NCOR2: variants seen among roughly 807,000 people sequenced by gnomAD.
The protein encoded by NCOR2 is nuclear receptor corepressor 2.
In NCOR2, 81 loss-of-function variants were observed where a neutral mutation model predicts 262.9. That is an observed-to-expected ratio of 0.31 (90% confidence interval 0.26 to 0.37). The LOEUF is 0.37. Among genes scored for constraint, NCOR2 ranks in the 10% least tolerant of loss-of-function variants. The pLI is 1.00. For synonymous variants in NCOR2, 1,659 were observed against 1,559.3 expected (o/e 1.06, Z -1.51); for missense variants, 3,385 against 3,621.4 (o/e 0.93, Z 1.68).
At chr12:124,535,960 T>C (rs1270105848), upstream of NCOR2, among the ~76,000 whole-genome samples, 2 of 151,946 alleles carry the variant, frequency 1.3e-5, no homozygotes, top group Non-Finnish European at 1.5e-5. Context: ...AACTGCCCCA[T>C]TAACTACCCA....
At chr12:124,433,883 C>CAAAA (rs1284524208) in intron 8 of NCOR2, among the ~76,000 whole-genome samples, 10 of 78,964 alleles carry the variant, frequency 1.3e-4, no homozygotes, top group Middle Eastern at 0.012. Context: ...CACACACACA[C>CAAAA]ACACACACAC....
chr12:124,428,900 A>G (rs1199263904), intron 10 of NCOR2, among the ~76,000 whole-genome samples: 1 of 152,168 alleles, frequency 6.6e-6, no homozygotes, highest in South Asian at 2.1e-4. Context: ...AGCAGGGGGT[A>G]GTCTCATCAT....
intron 13 of NCOR2, among the ~76,000 whole-genome samples, chr12:124,408,453 TAAAG>T (rs2042393790): frequency 6.6e-6 from 1 of 152,082 alleles, no homozygotes; most frequent in Non-Finnish European, 1.5e-5. Flanking sequence ...ACCTTACAAT[TAAAG>T]AAATTATGGC....
At chr12:124,505,792 G>A (rs983299818) in intron 1 of NCOR2, among the ~76,000 whole-genome samples, 5 of 152,154 alleles carry the variant, frequency 3.3e-5, no homozygotes, top group South Asian at 2.1e-4. Flanking sequence ...AGGTGATGGC[G>A]ATGATGTTAA....
At chr12:124,350,839 T>TGCACACGCGTGTCC (rs2037387881) in intron 27 of NCOR2, 102 bp from the exon 30 acceptor site, 1 of 1,218,310 alleles carries the variant, frequency 8.2e-7, no homozygotes, top group African/African-American at 1.5e-5. Flanking sequence ...TGCCCACCGA[T>TGCACACGCGTGTCC]GCACACGCGT....
intron 4 of NCOR2, among the ~76,000 whole-genome samples, chr12:124,469,279 CAAG>C (rs1249200906): frequency 6.6e-6 from 1 of 152,040 alleles, no homozygotes; most frequent in Non-Finnish European, 1.5e-5. Context: ...GAAAGGTGCC[CAAG>C]AAGAAGTGAA....
At chr12:124,425,289 G>C (rs2043466709) in intron 11 of NCOR2, among the ~76,000 whole-genome samples, 1 of 152,122 alleles carries the variant, frequency 6.6e-6, no homozygotes, top group Non-Finnish European at 1.5e-5. Flanking sequence ...CAGGAGAATG[G>C]CGTGAACCCG....
intron 1 of NCOR2, among the ~76,000 whole-genome samples, chr12:124,563,818 G>A (rs1283409817): frequency 6.6e-6 from 1 of 152,240 alleles, no homozygotes; most frequent in East Asian, 1.9e-4. Flanking sequence ...AGATCCGTAG[G>A]TGCTGCTCAA....
At chr12:124,385,941 G>A in intron 16 of NCOR2, 54 bp from the exon 19 acceptor site, 1 of 1,579,482 alleles carries the variant, frequency 6.3e-7, no homozygotes, top group South Asian at 1.1e-5. Context: ...ACGCAGAGGG[G>A]GCCTGCATCC....
exon 47 of NCOR2, chr12:124,324,604 T>G (rs185665862): frequency 2.6e-5 from 4 of 152,552 alleles, no homozygotes; most frequent in African/African-American, 9.6e-5. Context: ...GGTCACCGAC[T>G]GTCGGCCTGC....
chr12:124,372,519 TG>T lies in NCOR2; in HGVS notation c.2309del (p.Pro770GlnfsTer194). On this transcript the variant is annotated frameshift_variant, in exon 20 of 47. Coordinates refer to ENST00000405201, the Ensembl canonical transcript of NCOR2. LOFTEE classifies it high-confidence loss of function. ...GTGGCCCGTCGGCGCCCAGGGTGGCTGGGGGCTTGGGCCCATTCTGCCCTGT... is the reference window on the plus strand; with the variant it reads ...GTGGCCCGTCGGCGCCCAGGGTGGCTGGGGCTTGGGCCCATTCTGCCCTGT... 6.3e-7 allele frequency: 1 copy of T among 1,588,074 alleles called. No individual in the cohort carries two copies. The highest frequency in any genetic ancestry group is 1.7e-5 in the Admixed American group (1 of 58,038).
Position 124,523,539 on chromosome 12 carries a change from T to G in NCOR2, c.-118+12026A>C, listed in dbSNP as rs1195894150. Among the ~76,000 whole-genome samples the G allele has an allele frequency of 6.6e-6, 1 of 151,542 alleles. No homozygotes were observed. The highest frequency in any genetic ancestry group is 2.4e-5 in the African/African-American group (1 of 41,198). On this transcript the variant is annotated intron_variant, in intron 1 of 46. Transcript: ENST00000404621. The surrounding 1 kb of genome is among the most constrained non-coding windows in gnomAD (Gnocchi z 4.0). ...GCTTCACGCGGCCTCCACTGTGCCT[T>G]ACAACCGGCGTGTCCAGTCTTTTGG...
In NCOR2 at chr12:124,566,531, T is replaced by C. The variant is rs2052245639; in HGVS notation, c.-165+777A>G. 6.6e-6 allele frequency among the ~76,000 whole-genome samples: 1 copy of C among 152,210 alleles called. No homozygotes were observed. Among genetic ancestry groups the C allele is most frequent in the African/African-American group, 2.4e-5 (1 of 41,458 alleles). Reference sequence around the variant, plus strand: ...GGTGCCCTCACTCCCCGCAGGCCTCTGAGGAAGCTGCCCTCTAGACAAGGG... The same window carrying C: ...GGTGCCCTCACTCCCCGCAGGCCTCCGAGGAAGCTGCCCTCTAGACAAGGG... On this transcript the variant is annotated intron_variant, in intron 1 of 32. Transcript: ENST00000458234. The surrounding 1 kb of genome is among the most constrained non-coding windows in gnomAD (Gnocchi z 4.3).
At chr12:124,419,810 G>T (rs1209770839) in intron 13 of NCOR2, 147 bp downstream of exon 15, 3 of 722,358 alleles carry the variant, frequency 4.2e-6, no homozygotes, top group Non-Finnish European at 7.3e-6. Flanking sequence ...CCACGGAGGG[G>T]AGCCTGCACT....
intron 1 of NCOR2, among the ~76,000 whole-genome samples, chr12:124,507,185 A>G (rs1344954281): frequency 6.6e-6 from 1 of 152,182 alleles, no homozygotes; most frequent in East Asian, 1.9e-4. Context: ...GGCTGGGACC[A>G]GGGGCTGGGG....
At chr12:124,486,537 G>T in exon 2 of NCOR2, 1 of 1,592,698 alleles carries the variant, frequency 6.3e-7, no homozygotes, top group Non-Finnish European at 8.5e-7. Flanking sequence ...ATAGTCGCGG[G>T]AGTGGTGCTG....
intron 1 of NCOR2, among the ~76,000 whole-genome samples, chr12:124,510,328 C>A (rs368372499): frequency 6.6e-6 from 1 of 152,200 alleles, no homozygotes; most frequent in African/African-American, 2.4e-5. Flanking sequence ...AGCAGGGCAG[C>A]GGGAAGATGA....
chr12:124,401,085 C>T (rs991692284), intron 14 of NCOR2, among the ~76,000 whole-genome samples: 1 of 152,028 alleles, frequency 6.6e-6, no homozygotes, highest in East Asian at 1.9e-4. Flanking sequence ...GTGGCATATG[C>T]TGATGGTCCC....
exon 38 of NCOR2, chr12:124,336,888 T>A: frequency 6.2e-7 from 1 of 1,606,574 alleles, no homozygotes; most frequent in South Asian, 1.1e-5. Flanking sequence ...TTCGCAGGGG[T>A]GCGGGCGATG....
Sources: gnomAD v4.1 joint callset for allele counts (sites outside exome capture counted in the v4.1 genomes callset) on GRCh38, gnomAD v4.1.1 for gene constraint, Gnocchi (gnomAD v3.1) non-coding constraint, MANE v1.5 for transcripts, NCBI Gene and HGNC (gene_info 2026-07-23, HGNC 2026-07-21) for gene names.